The following LGR5 variants were observed in gnomAD, a reference collection of about 807,000 sequenced individuals.
LGR5 encodes leucine-rich repeat-containing G protein-coupled receptor 5.
LGR5 carries 54 observed loss-of-function variants against 76.7 expected under a neutral mutation model. That is an observed-to-expected ratio of 0.70 (90% CI 0.57 to 0.88). The LOEUF (loss-of-function observed/expected upper bound fraction) is 0.88. LGR5 is among the 40% of genes least tolerant of loss of function. The pLI is 0.00. For synonymous variants in LGR5, 406 were observed against 421.9 expected (o/e 0.96, Z 0.46); for missense variants, 1,078 against 1,073.3 (o/e 1.00, Z -0.06).
Position 71,440,111 on chromosome 12 carries a change from T to A in LGR5, c.31T>A (p.Ser11Thr), listed in dbSNP as rs755005549. 6 of 1,606,522 alleles carry A rather than the reference T, an allele frequency of 3.7e-6. No individual in the cohort carries two copies. Among genetic ancestry groups the A allele is most frequent in the Non-Finnish European group, 5.1e-6 (6 of 1,179,902 alleles). ...CACCTCCCGGCTCGGTGTGCTCCTG[T>A]CCTTGCCTGTGCTGCTGCAGCTGGC... MDTSRLGVLLSLPVLLQLATG... is the reference protein window; with the variant it reads MDTSRLGVLLTLPVLLQLATG... Residue 11 changes from serine to threonine, a missense_variant, in exon 1 of 18, where the codon TCC (serine) becomes ACC (threonine). Physicochemically the swap from Ser to Thr is moderately conservative, Grantham distance 58. Transcript: ENST00000266674. This position sits in a 1 kb window ranked among gnomAD's most constrained non-coding sequence, Gnocchi z 5.3.
At chr12:71,560,309 A>T (rs1877991741) in intron 7 of LGR5, among the ~76,000 whole-genome samples, 1 of 152,252 alleles carries the variant, frequency 6.6e-6, no homozygotes, top group Admixed American at 6.5e-5. Context: ...AGCTAGAGAA[A>T]AGAAAATGTT....
At chr12:71,504,880 A>G (rs376423406) in intron 2 of LGR5, among the ~76,000 whole-genome samples, 195 bp downstream of exon 2, 2 of 152,216 alleles carry the variant, frequency 1.3e-5, no homozygotes, top group South Asian at 4.1e-4. Context: ...ATCAACTTAT[A>G]AAAGAGTTTA....
chr12:71,541,501 GCA>G (rs922837520), intron 4 of LGR5, among the ~76,000 whole-genome samples: 4 of 152,182 alleles, frequency 2.6e-5, no homozygotes, highest in Admixed American at 6.5e-5. Context: ...TATAAGTGAG[GCA>G]CAGTCTTTCT....
chr12:71,441,037 G>A (rs1264071402), intron 1 of LGR5, among the ~76,000 whole-genome samples: 3 of 152,146 alleles, frequency 2.0e-5, no homozygotes, highest in Admixed American at 1.3e-4. Flanking sequence ...GGGAGGAAAG[G>A]GGAAGTGGGC....
At chr12:71,453,971 A>G (rs2137214531) in intron 1 of LGR5, among the ~76,000 whole-genome samples, 1 of 152,106 alleles carries the variant, frequency 6.6e-6, no homozygotes, top group East Asian at 2.0e-4. Context: ...GGGGATTCAA[A>G]GTTAAATAGG....
chr12:71,536,389 T>C (rs1432222085), intron 4 of LGR5, among the ~76,000 whole-genome samples: 1 of 152,218 alleles, frequency 6.6e-6, no homozygotes, highest in East Asian at 1.9e-4. Context: ...AGCCTTTTAC[T>C]CCAGTCAAAC....
chr12:71,566,627 T>C lies in LGR5; in HGVS notation c.930-5T>C. ...CCAGTAATACTTATATACTCCTCTT[T>C]CTAGGACTCTGAATGGTGCCTCACA... is the stretch of plus-strand genomic sequence containing the variant. On this transcript the variant is annotated splice_region_variant and splice_polypyrimidine_tract_variant and intron_variant, in intron 9 of 17. Transcript: ENST00000266674. The C allele has an allele frequency of 1.2e-6, 2 of 1,610,422 alleles. No individual in the cohort carries two copies. The highest frequency in any genetic ancestry group is 1.7e-6 in the Non-Finnish European group (2 of 1,176,852).
intron 2 of LGR5, among the ~76,000 whole-genome samples, chr12:71,516,779 C>T (rs1359299443): frequency 6.6e-6 from 1 of 152,058 alleles, no homozygotes; most frequent in Non-Finnish European, 1.5e-5. Flanking sequence ...TCTATTTTCT[C>T]TTGTAACTTA....
intron 7 of LGR5, among the ~76,000 whole-genome samples, chr12:71,559,872 A>G (rs1189758207): frequency 1.3e-5 from 2 of 152,110 alleles, no homozygotes; most frequent in African/African-American, 4.8e-5. Flanking sequence ...CATATATATT[A>G]AAAAAACATA....
At chr12:71,469,753 A>G (rs1447696195) in intron 1 of LGR5, among the ~76,000 whole-genome samples, 1 of 152,204 alleles carries the variant, frequency 6.6e-6, no homozygotes, top group Non-Finnish European at 1.5e-5. Flanking sequence ...TGCCTTGGTA[A>G]CAATTAAAGG....
chr12:71,540,775 G>A (rs1876836596), intron 4 of LGR5, among the ~76,000 whole-genome samples: 1 of 152,160 alleles, frequency 6.6e-6, no homozygotes, highest in Non-Finnish European at 1.5e-5. Context: ...TATAGAATGG[G>A]AAGGAAGTAA....
chr12:71,544,071 G>A (rs1466164015), intron 4 of LGR5, among the ~76,000 whole-genome samples: 1 of 152,098 alleles, frequency 6.6e-6, no homozygotes, highest in African/African-American at 2.4e-5. Context: ...AATGTGATTT[G>A]ACTTTAAAAT....
At chr12:71,509,561 A>G (rs12825650) in intron 2 of LGR5, among the ~76,000 whole-genome samples, 14,072 of 152,228 alleles carry the variant, frequency 0.092, 698 homozygotes, top group Non-Finnish European at 0.11. Context: ...CTTGCTATGT[A>G]GACAAATAAA....
At chr12:71,511,588 G>A (rs1875158485) in intron 2 of LGR5, among the ~76,000 whole-genome samples, 1 of 152,160 alleles carries the variant, frequency 6.6e-6, no homozygotes, top group South Asian at 2.1e-4. Flanking sequence ...GGATTGGGAG[G>A]AGAAAGTCAA....
intron 5 of LGR5, among the ~76,000 whole-genome samples, chr12:71,554,825 A>G (rs1877676711): frequency 6.6e-6 from 1 of 152,190 alleles, no homozygotes. Flanking sequence ...TAAATCCAAA[A>G]TGATTCTCAA....
intron 1 of LGR5, among the ~76,000 whole-genome samples, chr12:71,461,414 A>T (rs1306201572): frequency 2.6e-5 from 4 of 152,172 alleles, no homozygotes; most frequent in Non-Finnish European, 5.9e-5. Context: ...AAATTTGCTA[A>T]CTTGGCATTT....
In LGR5 at chr12:71,440,675, C is replaced by T. The variant is rs2137186547; in HGVS notation, c.212+383C>T. On this transcript the variant is annotated intron_variant, in intron 1 of 17. Coordinates refer to ENST00000266674, the MANE Select transcript of LGR5 (RefSeq NM_003667.4). This position sits in a 1 kb window ranked among gnomAD's most constrained non-coding sequence, Gnocchi z 5.3. Reference sequence around the variant, plus strand: ...GGCTGCCATCTGGTCCCCGCCCCAACCGCCTCTCTGCGTCTAGTCGCATTC... The same window carrying T: ...GGCTGCCATCTGGTCCCCGCCCCAATCGCCTCTCTGCGTCTAGTCGCATTC... Among the ~76,000 whole-genome samples the T allele has an allele frequency of 6.6e-6, 1 of 152,314 alleles. No individual in the cohort carries two copies. The highest frequency in any genetic ancestry group is 2.4e-5 in the African/African-American group (1 of 41,588).
chr12:71,496,864 TA>T (rs1874347974), intron 1 of LGR5, among the ~76,000 whole-genome samples: 2 of 152,154 alleles, frequency 1.3e-5, no homozygotes, highest in Non-Finnish European at 2.9e-5. Flanking sequence ...ACAGAAAGAT[TA>T]AAAAGAAGCA....
chr12:71,464,138 A>C (rs554326964), intron 1 of LGR5, among the ~76,000 whole-genome samples: 3 of 152,334 alleles, frequency 2.0e-5, no homozygotes, highest in East Asian at 3.9e-4. Context: ...GTAATTAAAT[A>C]ATCACTTGTA....
Sources: gnomAD v4.1 joint callset for allele counts (sites outside exome capture counted in the v4.1 genomes callset) on GRCh38, gnomAD v4.1.1 for gene constraint, Gnocchi (gnomAD v3.1) non-coding constraint, MANE v1.5 for transcripts, NCBI Gene and HGNC (gene_info 2026-07-23, HGNC 2026-07-21) for gene names.